The following NRG1 variants were observed in gnomAD, a reference collection of about 807,000 sequenced individuals.
NRG1 encodes pro-neuregulin-1, membrane-bound isoform.
In NRG1, 18 loss-of-function variants were observed where a neutral mutation model predicts 63.8. That is an observed-to-expected ratio of 0.28 (90% CI 0.19 to 0.42). NRG1 has a LOEUF of 0.42. Among genes scored for constraint, NRG1 ranks in the 10% least tolerant of loss-of-function variants. The pLI is 1.00. For synonymous variants in NRG1, 302 were observed against 301.3 expected, an observed-to-expected ratio of 1.00 and a Z score of -0.02; for missense variants, 762 against 814.7, an observed-to-expected ratio of 0.94 and a Z score of 0.79.
At chr8:32,313,693 AAC>A (rs993051320) in intron 1 of NRG1, among the ~76,000 whole-genome samples, 2 of 152,198 alleles carry the variant, frequency 1.3e-5, no homozygotes, top group East Asian at 1.9e-4. Flanking sequence ...TGCATATTTT[AAC>A]ACACATATAT....
chr8:32,053,887 A>G (rs1822402869), intron 1 of NRG1, among the ~76,000 whole-genome samples: 1 of 152,158 alleles, frequency 6.6e-6, no homozygotes, highest in African/African-American at 2.4e-5. Flanking sequence ...CATATTTGAA[A>G]CATTCAGCAG....
At chr8:32,356,885 T>A (rs1806506887) in intron 1 of NRG1, among the ~76,000 whole-genome samples, 1 of 152,136 alleles carries the variant, frequency 6.6e-6, no homozygotes, top group African/African-American at 2.4e-5. Context: ...TAAGGAAAAA[T>A]TGTTGATGAG....
intron 1 of NRG1, among the ~76,000 whole-genome samples, chr8:31,813,974 A>G (rs1823189608): frequency 6.6e-6 from 1 of 152,168 alleles, no homozygotes; most frequent in African/African-American, 2.4e-5. Flanking sequence ...AAATTATTAC[A>G]TGCCAGTGAA....
chr8:32,626,665 G>A (rs1211823169), intron 5 of NRG1, among the ~76,000 whole-genome samples: 1 of 151,338 alleles, frequency 6.6e-6, no homozygotes, highest in Non-Finnish European at 1.5e-5. Flanking sequence ...GGGCGACAGA[G>A]CAAGACTCAT....
Position 32,255,764 on chromosome 8 carries a change from G to GGAGGCCA in NRG1, c.38-340063_38-340062insAGGCCAG, listed in dbSNP as rs1849630064. Among the ~76,000 whole-genome samples, 4 of 152,170 alleles carry GGAGGCCA rather than the reference G, an allele frequency of 2.6e-5. No individual in the cohort carries two copies. The South Asian group carries it at 8.3e-4, about 32-fold the overall frequency. ...ATTTGAATGTTGGCCTCTCTTGCCA[G>GGAGGCCA]GTTGGGGAAGTTCTCCTGGATAATA... On this transcript the variant is annotated intron_variant, in intron 1 of 10. Transcript: ENST00000519301.
intron 1 of NRG1, among the ~76,000 whole-genome samples, chr8:32,379,076 A>G (rs528778780): frequency 6.5e-3 from 395 of 60,862 alleles, no homozygotes; most frequent in Admixed American, 0.012. Flanking sequence ...GCCGCAATAA[A>G]CATATCTTTT....
chr8:31,762,805 G>T (rs1352180029), intron 1 of NRG1, among the ~76,000 whole-genome samples: 4 of 152,096 alleles, frequency 2.6e-5, no homozygotes, highest in Admixed American at 2.6e-4. Flanking sequence ...ATTTATTTAA[G>T]AAAATAATGG....
rs747212031 is a variant in NRG1 at position 32,265,591 on chromosome 8, C to G, written c.38-330237C>G. Among the ~76,000 whole-genome samples the G allele has an allele frequency of 1.1e-4, 16 of 152,128 alleles. No homozygotes were observed. In the South Asian group the frequency reaches 1.7e-3, roughly 16 times the overall value. On this transcript the variant is annotated intron_variant, in intron 1 of 10. Transcript: ENST00000519301. ...GGTGCAATAGCTCACACCTATAATC[C>G]TTGCAATTTGGGAGGCTGTGGCTAG... is the stretch of plus-strand genomic sequence containing the variant.
At chr8:32,017,120 C>A (rs567489339) in intron 1 of NRG1, among the ~76,000 whole-genome samples, 176 of 152,268 alleles carry the variant, frequency 1.2e-3, no homozygotes, top group Middle Eastern at 3.4e-3. Context: ...CACTGAAGAG[C>A]GTAGCTATTT....
intron 1 of NRG1, among the ~76,000 whole-genome samples, chr8:31,717,047 T>C (rs1037002541): frequency 1.3e-5 from 2 of 152,234 alleles, no homozygotes; most frequent in Non-Finnish European, 2.9e-5. Context: ...CTTTTCTTTC[T>C]GTTCTGTCAT....
At chr8:32,468,357 A>G (rs1170523849) in intron 1 of NRG1, among the ~76,000 whole-genome samples, 1 of 152,170 alleles carries the variant, frequency 6.6e-6, no homozygotes, top group Non-Finnish European at 1.5e-5. Context: ...AAACCCTTTC[A>G]GTCTGTATTT....
At position 31,937,771 on chromosome 8, in the gene NRG1, T is replaced by C. The variant is rs140769321; in HGVS notation, c.37+298340T>C. Among the ~76,000 whole-genome samples the C allele has an allele frequency of 9.8e-4, 149 of 152,206 alleles. 2 individuals are homozygous for C. In the East Asian group the frequency reaches 0.026, roughly 26 times the overall value. On this transcript the variant is annotated intron_variant, in intron 1 of 10. Transcript: ENST00000519301. ...TTTCCCCCACTTCTCTGGTATCCTG[T>C]ATGACTCAACAGTGGCAGCCATAAT...
At chr8:31,696,860 T>G (rs1190805254) in intron 1 of NRG1, among the ~76,000 whole-genome samples, 2 of 152,158 alleles carry the variant, frequency 1.3e-5, no homozygotes, top group African/African-American at 4.8e-5. Context: ...TGCATAGGTG[T>G]GTGTGTGTAT....
chr8:31,891,462 G>A (rs1322987322), intron 1 of NRG1, among the ~76,000 whole-genome samples: 1 of 152,062 alleles, frequency 6.6e-6, no homozygotes, highest in African/African-American at 2.4e-5. Flanking sequence ...TATCAAAATG[G>A]CTAAAATAAA....
chr8:32,063,929 A>T (rs1824308745), intron 1 of NRG1, among the ~76,000 whole-genome samples: 1 of 152,074 alleles, frequency 6.6e-6, no homozygotes. Context: ...CCTGGAGATG[A>T]CACACAAGGA....
At chr8:32,056,558 A>T (rs919658847) in intron 1 of NRG1, among the ~76,000 whole-genome samples, 5 of 152,108 alleles carry the variant, frequency 3.3e-5, no homozygotes, top group Non-Finnish European at 7.4e-5. Flanking sequence ...ATTATTTTTT[A>T]CTGGTGTCTG....
rs181722772 is a variant in NRG1 at position 32,329,031 on chromosome 8, C to T, written c.38-266797C>T. On this transcript the variant is annotated intron_variant, in intron 1 of 10. Transcript: ENST00000519301. ...TCACCCAGACTGGAGTGCAGGGGCA[C>T]GACCTCAGATCACTGCAGCCTCAAC... 4.6e-5 allele frequency among the ~76,000 whole-genome samples: 7 copies of T among 152,278 alleles called. No individual in the cohort carries two copies. In the East Asian group the frequency reaches 9.7e-4, roughly 21 times the overall value.
At chr8:32,713,706 A>G (rs1589366125) in intron 5 of NRG1, among the ~76,000 whole-genome samples, 1 of 146,880 alleles carries the variant, frequency 6.8e-6, no homozygotes, top group Admixed American at 6.8e-5. Context: ...ATAAATATAT[A>G]TAATAATATA....
At chr8:31,696,865 G>T (rs908970504) in intron 1 of NRG1, among the ~76,000 whole-genome samples, 11 of 152,118 alleles carry the variant, frequency 7.2e-5, no homozygotes, top group African/African-American at 2.7e-4. Flanking sequence ...AGGTGTGTGT[G>T]TGTATGCATG....
Sources: allele counts gnomAD v4.1 joint callset (sites outside exome capture counted in the v4.1 genomes callset), GRCh38; gene constraint gnomAD v4.1.1; transcripts MANE v1.5; gene names NCBI Gene and HGNC (gene_info 2026-07-23, HGNC 2026-07-21).